Variants in POU6F2 observed in about 807,000 individuals in gnomAD.
POU6F2 encodes POU class 6 homeobox 2.
A neutral mutation model predicts 71.3 loss-of-function variants in POU6F2; 31 were observed. That is an observed-to-expected ratio of 0.43 (90% CI 0.33 to 0.59). POU6F2 has a LOEUF of 0.59. Ranked by LOEUF, POU6F2 falls within the 20% of genes least tolerant of loss-of-function variation. The pLI, the probability that POU6F2 is intolerant of heterozygous loss-of-function variation, is 0.04. For missense variants in POU6F2, 783 were observed against 856.8 expected, an observed-to-expected ratio of 0.91 and a Z score of 1.07; for synonymous variants, 347 against 355.7, an observed-to-expected ratio of 0.98 and a Z score of 0.27.
At chr7:39,437,797 G>C (rs576271726) in intron 7 of POU6F2, among the ~76,000 whole-genome samples, 1 of 152,056 alleles carries the variant, frequency 6.6e-6, no homozygotes, top group African/African-American at 2.4e-5. Context: ...CCTTAGCTGT[G>C]TCCCAGAGAT....
intron 1 of POU6F2, chr7:39,002,124 G>A (rs992058981): frequency 4.6e-5 from 7 of 152,156 alleles, no homozygotes; most frequent in Admixed American, 3.3e-4. Context: ...TCTTACCTTT[G>A]GCTTTAAACA....
At chr7:39,284,802 T>C (rs1210642236) in intron 4 of POU6F2, among the ~76,000 whole-genome samples, 4 of 152,116 alleles carry the variant, frequency 2.6e-5, no homozygotes, top group African/African-American at 9.7e-5. Flanking sequence ...TCAGTCAAGG[T>C]TGGTAAGAAT....
intron 2 of POU6F2, among the ~76,000 whole-genome samples, chr7:39,102,644 A>G (rs151091477): frequency 0.012 from 1,768 of 152,302 alleles, 11 homozygotes; most frequent in South Asian, 0.026. Flanking sequence ...ATATGTTTAT[A>G]TATGTATGCA....
intron 1 of POU6F2, among the ~76,000 whole-genome samples, chr7:39,024,987 C>T (rs1384736214): frequency 6.6e-6 from 1 of 152,034 alleles, no homozygotes; most frequent in African/African-American, 2.4e-5. Flanking sequence ...GTGTCTCTGT[C>T]CAGCTTTGGT....
chr7:39,028,676 A>G (rs1371483390), intron 1 of POU6F2, among the ~76,000 whole-genome samples: 1 of 152,144 alleles, frequency 6.6e-6, no homozygotes, highest in African/African-American at 2.4e-5. Flanking sequence ...ATCATGATAT[A>G]TCTTCTCATT....
intron 4 of POU6F2, among the ~76,000 whole-genome samples, chr7:39,211,443 A>G (rs1396380626): frequency 6.6e-6 from 1 of 152,218 alleles, no homozygotes; most frequent in Non-Finnish European, 1.5e-5. Context: ...GTTCTCTTAC[A>G]TAGTGGAAGC....
chr7:39,347,402 C>T (rs1380796184), intron 5 of POU6F2, among the ~76,000 whole-genome samples: 1 of 152,088 alleles, frequency 6.6e-6, no homozygotes, highest in East Asian at 1.9e-4. Context: ...GTAGCGTCAT[C>T]CTGAGTCAGA....
chr7:39,432,643 A>G (rs1471200696), intron 6 of POU6F2, among the ~76,000 whole-genome samples: 2 of 151,784 alleles, frequency 1.3e-5, no homozygotes, highest in East Asian at 3.9e-4. Context: ...CAGAGGAAAG[A>G]ATGTCAAAGG....
At chr7:39,062,745 GA>G (rs1790682970) in intron 1 of POU6F2, among the ~76,000 whole-genome samples, 1 of 150,472 alleles carries the variant, frequency 6.6e-6, no homozygotes, top group Non-Finnish European at 1.5e-5. Flanking sequence ...AAGGGACAAA[GA>G]AAAAATATTA....
chr7:39,118,056 C>A (rs1022844910), intron 2 of POU6F2, among the ~76,000 whole-genome samples: 6 of 152,074 alleles, frequency 3.9e-5, no homozygotes, highest in Admixed American at 1.3e-4. Flanking sequence ...GATAGCCATC[C>A]TTAGACTCTT....
chr7:39,398,341 AG>A (rs748870849), intron 5 of POU6F2, among the ~76,000 whole-genome samples: 137 of 152,150 alleles, frequency 9.0e-4, no homozygotes, highest in Non-Finnish European at 1.6e-3. Context: ...GGAGAATTGA[AG>A]GGTTTCTTAA....
chr7:39,273,541 G>A (rs4629764), intron 4 of POU6F2, among the ~76,000 whole-genome samples: 116,027 of 152,128 alleles, frequency 0.76, 44,321 homozygotes, highest in Middle Eastern at 0.84. Flanking sequence ...AGAAAGACTG[G>A]GAAACTATCA....
chr7:39,055,924 TTA>T (rs1326932653), intron 1 of POU6F2, among the ~76,000 whole-genome samples: 1 of 152,124 alleles, frequency 6.6e-6, no homozygotes, highest in Non-Finnish European at 1.5e-5. Flanking sequence ...AAAGCATACT[TTA>T]TTATTTCCTA....
intron 4 of POU6F2, among the ~76,000 whole-genome samples, chr7:39,215,375 C>G (rs61368621): frequency 6.6e-6 from 1 of 151,598 alleles, no homozygotes; most frequent in South Asian, 2.1e-4. Flanking sequence ...AAACAAGAAG[C>G]GAGAAAGAGC....
chr7:39,051,861 A>G (rs1790406345), intron 1 of POU6F2, among the ~76,000 whole-genome samples: 1 of 152,084 alleles, frequency 6.6e-6, no homozygotes. Flanking sequence ...TCTAGAATCC[A>G]TTTATTCTCT....
chr7:39,028,198 A>G (rs1173267013), intron 1 of POU6F2, among the ~76,000 whole-genome samples: 2 of 152,108 alleles, frequency 1.3e-5, no homozygotes, highest in African/African-American at 2.4e-5. Context: ...TATTCATTAT[A>G]TATTCTGAAC....
At chr7:39,066,562 C>G (rs916513230) in intron 1 of POU6F2, among the ~76,000 whole-genome samples, 1 of 151,434 alleles carries the variant, frequency 6.6e-6, no homozygotes, top group Admixed American at 6.6e-5. Context: ...ACAATATAAA[C>G]AACACATAAA....
chr7:39,021,594 A>C lies in POU6F2; in HGVS notation c.105+43536A>C, dbSNP rs138576932. ...TAAGTTATAAAACCATATTGTTAAC[A>C]ATTTCTTGAGCTTAATATTCATTTT... On this transcript the variant is annotated intron_variant, in intron 1 of 9. Coordinates refer to ENST00000518318, the MANE Select transcript of POU6F2 (RefSeq NM_001370959.1). Among the ~76,000 whole-genome samples the C allele has an allele frequency of 4.1e-3, 622 of 152,104 alleles. 3 individuals are homozygous for C. The highest frequency in any genetic ancestry group is 9.6e-3 in the South Asian group (46 of 4,806).
chr7:39,405,575 A>G (rs1041503165), intron 5 of POU6F2, among the ~76,000 whole-genome samples: 4 of 152,220 alleles, frequency 2.6e-5, no homozygotes, highest in Non-Finnish European at 5.9e-5. Flanking sequence ...ATATGGGGAA[A>G]AAAATAACAC....
Sources: allele counts gnomAD v4.1 joint callset (sites outside exome capture counted in the v4.1 genomes callset), GRCh38; gene constraint gnomAD v4.1.1; transcripts MANE v1.5; gene names NCBI Gene and HGNC (gene_info 2026-07-23, HGNC 2026-07-21).